SUMF1: variants seen among roughly 807,000 people sequenced by gnomAD.
SUMF1 encodes the protein formylglycine-generating enzyme.
In SUMF1, 48 loss-of-function variants were observed where a neutral mutation model predicts 47.6. The ratio of observed to expected loss-of-function variants is 1.01; its 90% confidence interval spans 0.80 to 1.28. The LOEUF is 1.28. Ranked by LOEUF, SUMF1 falls within the 50% of genes most tolerant of loss-of-function variation. The pLI, the probability that SUMF1 is intolerant of heterozygous loss-of-function variation, is 0.00. For synonymous variants in SUMF1, 230 were observed against 192.1 expected, an observed-to-expected ratio of 1.20 and a Z score of -1.63; for missense variants, 571 against 485.4, an observed-to-expected ratio of 1.18 and a Z score of -1.66.
At chr3:4,223,042 G>A (rs528089557) in intron 8 of SUMF1, among the ~76,000 whole-genome samples, 2 of 152,054 alleles carry the variant, frequency 1.3e-5, no homozygotes, top group Admixed American at 6.6e-5. Context: ...TCTCTGTGCT[G>A]TTTGCATCTT....
rs1349127422 is a variant in SUMF1 at position 4,152,436 on chromosome 3, G to T, written c.1015-83691C>A. On this transcript the variant is annotated intron_variant and NMD_transcript_variant, in intron 8 of 12. Coordinates refer to the SUMF1 transcript ENST00000448413. ...CCGAGTAGCTAGAACTACAGGCACA[G>T]GCCCCAACACCCGGATTTGCTTTTT... Among the ~76,000 whole-genome samples, 8 of 151,210 alleles carry T rather than the reference G, an allele frequency of 5.3e-5. 1 individual carries two copies. The highest frequency in any genetic ancestry group is 1.7e-4 in the African/African-American group (7 of 40,700).
At chr3:4,145,335 T>C (rs1304908573) in intron 8 of SUMF1, among the ~76,000 whole-genome samples, 3 of 152,028 alleles carry the variant, frequency 2.0e-5, no homozygotes, top group Non-Finnish European at 4.4e-5. Context: ...ATTTGCTGAA[T>C]GAATGAATAA....
At chr3:4,341,503 GT>G (rs1699272099) in intron 8 of SUMF1, among the ~76,000 whole-genome samples, 1 of 151,878 alleles carries the variant, frequency 6.6e-6, no homozygotes, top group South Asian at 2.1e-4. Flanking sequence ...TGGACAAAGG[GT>G]TTTTTGTTTC....
intron 9 of SUMF1, among the ~76,000 whole-genome samples, chr3:4,059,144 C>A (rs148965293): frequency 6.6e-6 from 1 of 151,964 alleles, no homozygotes; most frequent in East Asian, 1.9e-4. Flanking sequence ...CACCAATATA[C>A]TTGTGTTTAA....
chr3:4,152,050 A>G (rs1694348275), intron 8 of SUMF1, among the ~76,000 whole-genome samples: 1 of 151,628 alleles, frequency 6.6e-6, no homozygotes, highest in Non-Finnish European at 1.5e-5. Context: ...CCTCACATCA[A>G]TATCTAAATA....
At chr3:4,297,185 T>C (rs558827365) in intron 8 of SUMF1, among the ~76,000 whole-genome samples, 1 of 151,662 alleles carries the variant, frequency 6.6e-6, no homozygotes, top group South Asian at 2.1e-4. Flanking sequence ...AGGAGATCAC[T>C]GTGTAATATA....
chr3:4,357,541 A>AGCC (rs1699646653), downstream of SUMF1, among the ~76,000 whole-genome samples: 1 of 151,828 alleles, frequency 6.6e-6, no homozygotes, highest in Non-Finnish European at 1.5e-5. Context: ...ACTACTTTGA[A>AGCC]GCCACCACCC....
intron 1 of SUMF1, among the ~76,000 whole-genome samples, chr3:4,456,673 CGTGTAT>C (rs2079618027): frequency 8.0e-6 from 1 of 124,728 alleles, no homozygotes; most frequent in Non-Finnish European, 1.7e-5. Context: ...TATATATATA[CGTGTAT>C]ATATATATGT....
chr3:4,368,440 G>A (rs1700054249), intron 8 of SUMF1, among the ~76,000 whole-genome samples: 1 of 152,088 alleles, frequency 6.6e-6, no homozygotes, highest in African/African-American at 2.4e-5. Flanking sequence ...GATTCCTCAG[G>A]GATCTAGAAC....
chr3:4,272,450 A>G (rs928688208), intron 8 of SUMF1, among the ~76,000 whole-genome samples: 2 of 152,168 alleles, frequency 1.3e-5, no homozygotes, highest in Non-Finnish European at 1.5e-5. Flanking sequence ...CAGGCTGTCC[A>G]TGGCCCTGGA....
At chr3:4,054,693 C>G (rs147150431) in intron 9 of SUMF1, among the ~76,000 whole-genome samples, 4 of 152,246 alleles carry the variant, frequency 2.6e-5, no homozygotes, top group African/African-American at 9.6e-5. Context: ...AACTGAAGGT[C>G]TGCCATCTCA....
intron 8 of SUMF1, among the ~76,000 whole-genome samples, chr3:4,362,490 G>C (rs528106299): frequency 1.1e-4 from 16 of 152,250 alleles, no homozygotes; most frequent in African/African-American, 3.9e-4. Flanking sequence ...TTCAGCATTA[G>C]ATATAACAGC....
At chr3:4,393,879 T>C (rs1476440123) in intron 7 of SUMF1, among the ~76,000 whole-genome samples, 1 of 151,832 alleles carries the variant, frequency 6.6e-6, no homozygotes, top group East Asian at 1.9e-4. Context: ...TTGTTTTCTG[T>C]ATTAGTGAAT....
chr3:4,406,157 A>G (rs543914927), intron 7 of SUMF1, among the ~76,000 whole-genome samples: 1 of 152,336 alleles, frequency 6.6e-6, no homozygotes, highest in East Asian at 1.9e-4. Flanking sequence ...AAACAAAAAC[A>G]GTAAAATAAC....
At chr3:4,120,740 GCTGGTTCTATA>G (rs534673240) in intron 8 of SUMF1, among the ~76,000 whole-genome samples, 1 of 152,210 alleles carries the variant, frequency 6.6e-6, no homozygotes, top group South Asian at 2.1e-4. Flanking sequence ...TGGCTGGACT[GCTGGTTCTATA>G]CTCTACCCCT....
intron 8 of SUMF1, among the ~76,000 whole-genome samples, chr3:4,299,785 G>T (rs941605003): frequency 2.6e-5 from 4 of 152,122 alleles, no homozygotes; most frequent in Admixed American, 6.5e-5. Context: ...ACTCCAGCCT[G>T]GGTGACAGAG....
chr3:4,173,949 G>C (rs1694896070), intron 8 of SUMF1, among the ~76,000 whole-genome samples: 1 of 152,220 alleles, frequency 6.6e-6, no homozygotes, highest in Admixed American at 6.5e-5. Flanking sequence ...GATGGGTGTG[G>C]CAAACCACCA....
At chr3:4,446,478 G>C (rs1265975662) in intron 3 of SUMF1, among the ~76,000 whole-genome samples, 1 of 152,140 alleles carries the variant, frequency 6.6e-6, no homozygotes, top group Non-Finnish European at 1.5e-5. Flanking sequence ...ACCCAATCTT[G>C]GGCATGTCTT....
intron 9 of SUMF1, among the ~76,000 whole-genome samples, chr3:4,038,915 A>G (rs898991989): frequency 1.1e-4 from 16 of 152,208 alleles, no homozygotes; most frequent in African/African-American, 3.9e-4. Context: ...TTCAAGAAAA[A>G]AGCAATAAAG....
Sources: allele counts gnomAD v4.1 joint callset (sites outside exome capture counted in the v4.1 genomes callset), GRCh38; gene constraint gnomAD v4.1.1; transcripts MANE v1.5; gene names NCBI Gene and HGNC (gene_info 2026-07-23, HGNC 2026-07-21).